Variants in IL4R observed in about 807,000 individuals in gnomAD.
IL4R encodes interleukin-4 receptor subunit alpha.
Under a neutral mutation model 41.5 loss-of-function variants are expected in IL4R, and 17 were observed. The observed-to-expected ratio is 0.41, with a 90% CI of 0.28 to 0.61. The LOEUF is 0.61. Among genes scored for constraint, IL4R ranks in the 20% least tolerant of loss-of-function variants. The probability of loss-of-function intolerance (pLI) is 0.31; values close to 1 mark genes in which losing one functional copy is unlikely to be tolerated. For missense variants in IL4R, 974 were observed against 1,043.1 expected, an observed-to-expected ratio of 0.93 and a Z score of 0.91; for synonymous variants, 402 against 422.9, an observed-to-expected ratio of 0.95 and a Z score of 0.61.
At chr16:27,332,056 C>G (rs1361937777) in intron 2 of IL4R, among the ~76,000 whole-genome samples, 1 of 152,092 alleles carries the variant, frequency 6.6e-6, no homozygotes, top group African/African-American at 2.4e-5. Context: ...CAGCCCACTG[C>G]AGCCTTAACC....
At chr16:27,361,759 C>A (rs1416926626) in intron 10 of IL4R, among the ~76,000 whole-genome samples, 2 of 151,824 alleles carry the variant, frequency 1.3e-5, no homozygotes, top group Non-Finnish European at 2.9e-5. Flanking sequence ...CATACACCAA[C>A]ATGCCCAGCT....
chr16:27,325,879 G>A (rs1292127764), intron 1 of IL4R, among the ~76,000 whole-genome samples: 2 of 152,074 alleles, frequency 1.3e-5, no homozygotes, highest in Non-Finnish European at 2.9e-5. Context: ...AGCTTGCCCA[G>A]CAGGCTGGCT....
intron 6 of IL4R, among the ~76,000 whole-genome samples, chr16:27,349,771 A>G (rs1420199302): frequency 6.6e-6 from 1 of 150,974 alleles, no homozygotes; most frequent in Non-Finnish European, 1.5e-5. Flanking sequence ...TGTTGTTGAG[A>G]CAGAGTCTCA....
chr16:27,323,946 A>G lies in IL4R; in HGVS notation c.-151-6120A>G, dbSNP rs572162366. 2.0e-5 allele frequency among the ~76,000 whole-genome samples: 3 copies of G among 152,214 alleles called. No homozygotes were observed. In the East Asian group the frequency reaches 5.8e-4, roughly 29 times the overall value. On this transcript the variant is annotated intron_variant, in intron 1 of 10. Transcript: ENST00000395762. ...ATGGCTGTGATTACAGGTAGGAGCC[A>G]CCGCGCCCAGCCTTCAAGTGCTTTT...
At chr16:27,352,185 C>G (rs1052634123) in intron 6 of IL4R, among the ~76,000 whole-genome samples, 2 of 152,170 alleles carry the variant, frequency 1.3e-5, no homozygotes, top group Admixed American at 6.5e-5. Flanking sequence ...CAGATGAGGA[C>G]ATTGAGGTCC....
intron 9 of IL4R, among the ~76,000 whole-genome samples, chr16:27,360,135 C>T (rs1365156014): frequency 6.6e-6 from 1 of 152,184 alleles, no homozygotes; most frequent in Non-Finnish European, 1.5e-5. Context: ...TTGCCTCAGC[C>T]TCCCAAGTAG....
At chr16:27,341,925 C>T in intron 3 of IL4R, 196 bp from the exon 4 acceptor site, 3 of 577,520 alleles carry the variant, frequency 5.2e-6, no homozygotes, top group South Asian at 4.8e-5. Flanking sequence ...ATGGGTATTT[C>T]TTCAGCTTCC....
chr16:27,340,116 T>G (rs1567317212), intron 2 of IL4R, 70 bp from the exon 3 acceptor site: 19 of 945,718 alleles, frequency 2.0e-5, no homozygotes, highest in Non-Finnish European at 3.0e-5. Flanking sequence ...AGGGGAGGGT[T>G]GCATATTGAA....
Position 27,362,947 on chromosome 16 carries a change from G to A in IL4R, c.1595G>A (p.Cys532Tyr), listed in dbSNP as rs1337572726. The A allele has an allele frequency of 6.2e-7, 1 of 1,614,046 alleles. No homozygotes were observed. The highest frequency in any genetic ancestry group is 8.5e-7 in the Non-Finnish European group (1 of 1,180,046). ...HLEEVEPEMP[C>Y]VPQLSEPTTV... ...GAGGAAGTAGAACCCGAGATGCCCT[G>A]TGTCCCCCAGCTCTCTGAGCCAACC... The change falls in exon 11 of 11, where the codon TGT (cysteine) becomes TAT (tyrosine). Residue 532 changes from cysteine (C) to tyrosine (Y), a missense_variant. By Grantham distance (194) the Cys-to-Tyr change is radical (BLOSUM62 -2). Around this residue, in one of 3 missense-constraint regions of IL4R, gnomAD observed 682 missense variants for 704.3 expected, o/e 0.97. Coordinates refer to ENST00000395762, the MANE Select transcript of IL4R (RefSeq NM_000418.4).
chr16:27,325,310 G>A (rs890553029), intron 1 of IL4R, among the ~76,000 whole-genome samples: 3 of 152,016 alleles, frequency 2.0e-5, no homozygotes, highest in East Asian at 1.9e-4. Context: ...AGTGGCTCAC[G>A]CCTGTAATCC....
intron 1 of IL4R, among the ~76,000 whole-genome samples, chr16:27,316,512 G>C (rs1324154884): frequency 1.3e-5 from 2 of 152,166 alleles, no homozygotes; most frequent in Non-Finnish European, 2.9e-5. Context: ...TGCCCTCACT[G>C]GTACCTGGGA....
At chr16:27,336,992 G>A (rs1172571515) in intron 2 of IL4R, among the ~76,000 whole-genome samples, 4 of 152,092 alleles carry the variant, frequency 2.6e-5, no homozygotes, top group Admixed American at 6.6e-5. Flanking sequence ...CAGGAGAATC[G>A]CTTGAACCTG....
At chr16:27,319,933 G>A (rs928955866) in intron 1 of IL4R, among the ~76,000 whole-genome samples, 1 of 151,964 alleles carries the variant, frequency 6.6e-6, no homozygotes, top group African/African-American at 2.4e-5. Flanking sequence ...GCAATGGTGC[G>A]ATCTTGGCTC....
rs779355998 is a variant in IL4R at position 27,328,205 on chromosome 16, C to CAAAAAAAAAAAA, written c.-151-1854_-151-1843dup. On this transcript the variant is annotated intron_variant, in intron 1 of 10. Transcript: ENST00000395762. The stretch of plus-strand genomic sequence containing the variant: ...CTGGTGACAAAGCTAGGCTCCATCT[C>CAAAAAAAAAAAA]AAAAAAAAAAAAAAAAAAGATTGTT... Among the ~76,000 whole-genome samples the CAAAAAAAAAAAA allele has an allele frequency of 1.9e-3, 131 of 70,358 alleles. 4 individuals carry two copies. The highest frequency in any genetic ancestry group is 3.5e-3 in the East Asian group (7 of 2,004). 46.2% of individuals were successfully genotyped at this position (70,358 alleles called of 152,430 possible). A position where few individuals can be genotyped will look rare whatever the true frequency, so the allele number is the denominator to read the frequency against.
rs938796154 is a variant in IL4R, at chr16:27,348,152, G to A, written c.513+1534G>A. Among the ~76,000 whole-genome samples, 7 of 152,344 alleles carry A rather than the reference G, an allele frequency of 4.6e-5. No homozygotes were observed. In the South Asian group the frequency reaches 8.3e-4, roughly 18 times the overall value. ...TCAATCTGGCCAAGCCAGGGGTGTC[G>A]ATTTATATCTCTCAGGTCTGGTTTC... On this transcript the variant is annotated intron_variant, in intron 6 of 10. Coordinates refer to ENST00000395762, the MANE Select transcript of IL4R (RefSeq NM_000418.4).
At chr16:27,355,710 C>T (rs538380374) in intron 7 of IL4R, 98 bp from the exon 8 acceptor site, 82 of 775,546 alleles carry the variant, frequency 1.1e-4, no homozygotes, top group East Asian at 7.3e-4. Context: ...TGGAGGGTCT[C>T]GGACGAGGGT....
intron 1 of IL4R, among the ~76,000 whole-genome samples, chr16:27,319,010 GGA>G (rs1480549984): frequency 6.6e-6 from 1 of 152,240 alleles, no homozygotes; most frequent in African/African-American, 2.4e-5. Flanking sequence ...GGGCCCTCAT[GGA>G]GCTGAAAGCA....
chr16:27,351,576 A>G (rs986709264), intron 6 of IL4R, among the ~76,000 whole-genome samples: 1 of 144,600 alleles, frequency 6.9e-6, no homozygotes, highest in African/African-American at 2.6e-5. Context: ...GTGCAGTGGC[A>G]TGATCTCAGC....
intron 3 of IL4R, chr16:27,340,999 A>G (rs2085423630): frequency 1.9e-6 from 1 of 519,026 alleles, no homozygotes; most frequent in Non-Finnish European, 3.7e-6. Flanking sequence ...GCAAGGTGAC[A>G]GAGTGGCTGA....
Sources: gnomAD v4.1 joint callset for allele counts (sites outside exome capture counted in the v4.1 genomes callset) on GRCh38, gnomAD v4.1.1 for gene constraint, gnomAD v4.1.1 regional missense constraint, MANE v1.5 for transcripts, NCBI Gene and HGNC (gene_info 2026-07-23, HGNC 2026-07-21) for gene names.